TET2: variants seen among roughly 807,000 people sequenced by gnomAD.
TET2 encodes the protein methylcytosine dioxygenase TET2.
Under a neutral mutation model 142.9 loss-of-function variants are expected in TET2, and 299 were observed. The observed-to-expected ratio is 2.09, with a 90% CI of 1.90 to 2.30. The LOEUF is 2.30. Among genes scored for constraint, TET2 ranks in the 30% most tolerant of loss-of-function variants. The pLI is 0.00. For missense variants in TET2, 2,418 were observed against 2,378.0 expected, an observed-to-expected ratio of 1.02 and a Z score of -0.35; for synonymous variants, 819 against 849.0, an observed-to-expected ratio of 0.96 and a Z score of 0.61.
Position 105,276,494 on chromosome 4 carries a change from CAG to C in TET2, c.5985_5986del (p.Gly1996AlafsTer18). ...TCTCCATATGCCTTCACTCGGGTCA[CAG>C]GGCCTTACAACAGATATATATGATA... On this transcript the variant is annotated frameshift_variant, in exon 11 of 11. Transcript: ENST00000380013. LOFTEE classifies it high-confidence loss of function. 1 of 1,551,606 alleles carries C rather than the reference CAG, an allele frequency of 6.4e-7. No individual in the cohort carries two copies. Among genetic ancestry groups the C allele is most frequent in the Non-Finnish European group, 8.7e-7 (1 of 1,146,942 alleles).
intron 2 of TET2, among the ~76,000 whole-genome samples, chr4:105,233,283 C>T (rs1728611036): frequency 6.8e-6 from 1 of 147,266 alleles, no homozygotes; most frequent in Non-Finnish European, 1.5e-5. Context: ...ACTTGGGAGG[C>T]TGAGGCAGGA....
chr4:105,155,261 GT>G (rs1234756189), intron 1 of TET2, among the ~76,000 whole-genome samples: 1 of 152,180 alleles, frequency 6.6e-6, no homozygotes, highest in Non-Finnish European at 1.5e-5. Context: ...ATCTCATAGG[GT>G]TTAAACAAGT....
chr4:105,218,064 CAATT>C (rs1394120009), intron 2 of TET2, among the ~76,000 whole-genome samples: 2 of 152,062 alleles, frequency 1.3e-5, no homozygotes, highest in Non-Finnish European at 2.9e-5. Flanking sequence ...GTAAGTTTAT[CAATT>C]AATAATCAAG....
chr4:105,179,298 A>T (rs544734557), intron 1 of TET2, among the ~76,000 whole-genome samples: 10 of 152,334 alleles, frequency 6.6e-5, no homozygotes, highest in African/African-American at 2.4e-4. Context: ...ATTTCTGGTT[A>T]GGAAAAATAA....
At position 105,236,342 on chromosome 4, in the gene TET2, T is replaced by TAA; in HGVS notation, c.2401_2402dup (p.Asn801LysfsTer13). On this transcript the variant is annotated frameshift_variant, in exon 3 of 11. Coordinates refer to ENST00000380013, the MANE Select transcript of TET2 (RefSeq NM_001127208.3). LOFTEE classifies it high-confidence loss of function. ...CAAAATCAAGCGAGTTCGAGACTCA[T>TAA]AATGTCCAAATGGGACTGGAGGAAG... The TAA allele has an allele frequency of 6.2e-7, 1 of 1,614,020 alleles. No individual in the cohort carries two copies. Among genetic ancestry groups the TAA allele is most frequent in the Non-Finnish European group, 8.5e-7 (1 of 1,179,998 alleles).
intron 1 of TET2, among the ~76,000 whole-genome samples, chr4:105,173,185 A>G (rs918743644): frequency 6.6e-6 from 1 of 152,102 alleles, no homozygotes; most frequent in Non-Finnish European, 1.5e-5. Context: ...TGTGCATAAA[A>G]TTTCCATCTG....
intron 2 of TET2, among the ~76,000 whole-genome samples, chr4:105,199,994 C>T (rs1240022560): frequency 6.6e-6 from 1 of 152,028 alleles, no homozygotes; most frequent in Non-Finnish European, 1.5e-5. Context: ...AATAGGACTG[C>T]AGTGAAAATA....
chr4:105,254,307 T>C (rs908681084), intron 6 of TET2, among the ~76,000 whole-genome samples: 24 of 152,178 alleles, frequency 1.6e-4, no homozygotes, highest in African/African-American at 5.1e-4. Context: ...TAGGCCTATT[T>C]AGATTATTAT....
At chr4:105,186,445 T>C (rs1725452676) in intron 1 of TET2, among the ~76,000 whole-genome samples, 1 of 151,686 alleles carries the variant, frequency 6.6e-6, no homozygotes, top group Admixed American at 6.6e-5. Flanking sequence ...GAAAACTCAG[T>C]GTATAAGCTG....
At chr4:105,228,518 T>TA (rs1560536510) in intron 2 of TET2, among the ~76,000 whole-genome samples, 1 of 152,092 alleles carries the variant, frequency 6.6e-6, no homozygotes, top group Non-Finnish European at 1.5e-5. Flanking sequence ...TGTCCAAAAT[T>TA]ATGTGGAATG....
chr4:105,239,243 A>G (rs1289331823), intron 3 of TET2: 7 of 241,936 alleles, frequency 2.9e-5, no homozygotes. Context: ...TCAGAATGGT[A>G]AATGAGTATG....
In TET2 at chr4:105,275,812, G is replaced by A; in HGVS notation, c.5302G>A (p.Ala1768Thr). The change falls in exon 11 of 11, where the codon GCA becomes ACA. Residue 1768 changes from alanine to threonine, a missense_variant. Transcript: ENST00000380013. ...SPSHIIHNYS[A>T]APGMFNSSLH... ...TTCTCACATAATCCATAACTACAGTGCAGCTCCGGGCATGTTCAACAGCTC... is the reference window on the plus strand; with the variant it reads ...TTCTCACATAATCCATAACTACAGTACAGCTCCGGGCATGTTCAACAGCTC... 2 of 1,551,712 alleles carry A rather than the reference G, an allele frequency of 1.3e-6. No homozygotes were observed. The highest frequency in any genetic ancestry group is 1.7e-6 in the Non-Finnish European group (2 of 1,147,000).
At position 105,234,445 on chromosome 4, in the gene TET2, C is replaced by A. The variant is rs1181756552; in HGVS notation, c.503C>A (p.Thr168Lys). ...NAVKDFTSFS[T>K]HNCSGPENPE... ...GTTAAAGATTTCACCAGTTTTTCAA[C>A]ACATAACTGCAGTGGGCCTGAAAAT... The change falls in exon 3 of 11, where the codon ACA becomes AAA. Residue 168 changes from threonine to lysine, a missense_variant. Coordinates refer to ENST00000380013, the MANE Select transcript of TET2 (RefSeq NM_001127208.3). 4 of 1,613,890 alleles carry A rather than the reference C, an allele frequency of 2.5e-6. No homozygotes were observed. Among genetic ancestry groups the A allele is most frequent in the Non-Finnish European group, 3.4e-6 (4 of 1,179,960 alleles).
chr4:105,157,703 GTC>G (rs1369077577), intron 1 of TET2, among the ~76,000 whole-genome samples: 1 of 152,078 alleles, frequency 6.6e-6, no homozygotes, highest in Non-Finnish European at 1.5e-5. Flanking sequence ...TTTTGGTAGA[GTC>G]TCACTCTCTT....
chr4:105,224,684 G>GTCTCTCCCTCTCTCTCTCTCTC (rs1728065776), intron 2 of TET2, among the ~76,000 whole-genome samples: 1 of 108,106 alleles, frequency 9.3e-6, no homozygotes, highest in Non-Finnish European at 1.9e-5. Flanking sequence ...ATATCAGCCA[G>GTCTCTCCCTCTCTCTCTCTCTC]TCTCTCTCTC....
rs1164535188 is a variant in TET2 at position 105,276,806 on chromosome 4, C to A, written c.*287C>A. 7 of 308,832 alleles carry A rather than the reference C, an allele frequency of 2.3e-5. No homozygotes were observed. The highest frequency in any genetic ancestry group is 3.6e-5 in the Non-Finnish European group (6 of 165,196). 19.1% of individuals were successfully genotyped at this position (308,832 alleles called of 1,614,324 possible). A position where few individuals can be genotyped will look rare whatever the true frequency, so the allele number is the denominator to read the frequency against. ...CAATTTACATTTTTAAACACTGGTT[C>A]TATTATTGGACGAGATGATATGTAA... On this transcript the variant is annotated 3_prime_UTR_variant, in exon 11 of 11. Transcript: ENST00000380013.
chr4:105,249,484 T>C (rs2110266862), intron 6 of TET2, among the ~76,000 whole-genome samples: 1 of 152,372 alleles, frequency 6.6e-6, no homozygotes, highest in Non-Finnish European at 1.5e-5. Flanking sequence ...TTGTTAGTAA[T>C]ATGGTAACTT....
At chr4:105,239,366 A>G (rs1269987779) in intron 3 of TET2, 2 of 240,650 alleles carry the variant, frequency 8.3e-6, no homozygotes, top group Non-Finnish European at 1.8e-5. Context: ...ACCTTGTTTC[A>G]ATAGTAGGCT....
chr4:105,165,679 C>T (rs1038027284), intron 1 of TET2, among the ~76,000 whole-genome samples: 3 of 152,106 alleles, frequency 2.0e-5, no homozygotes, highest in Admixed American at 2.0e-4. Context: ...ATGATTATTG[C>T]CATGTATAAG....
Sources: allele counts gnomAD v4.1 joint callset (sites outside exome capture counted in the v4.1 genomes callset), GRCh38; gene constraint gnomAD v4.1.1; transcripts MANE v1.5; gene names NCBI Gene and HGNC (gene_info 2026-07-23, HGNC 2026-07-21).